The following GTF2F2 variants were observed in gnomAD, a reference collection of about 807,000 sequenced individuals.
GTF2F2 encodes the protein ATP-dependent helicase GTF2F2.
GTF2F2 carries 23 observed loss-of-function variants against 42.2 expected under a neutral mutation model. That is an observed-to-expected ratio of 0.55 (90% CI 0.39 to 0.77). The LOEUF (loss-of-function observed/expected upper bound fraction) is 0.77, where lower values mean the gene tolerates loss of function less well. GTF2F2 is among the 30% of genes least tolerant of loss of function. The probability of loss-of-function intolerance (pLI) is 0.00; values close to 1 mark genes in which losing one functional copy is unlikely to be tolerated. For missense variants in GTF2F2, 261 were observed against 287.2 expected, an observed-to-expected ratio of 0.91 and a Z score of 0.66; for synonymous variants, 105 against 100.8, an observed-to-expected ratio of 1.04 and a Z score of -0.25.
intron 4 of GTF2F2, chr13:45,193,775 G>A (rs200819000): frequency 3.1e-5 from 49 of 1,556,136 alleles, no homozygotes; most frequent in Non-Finnish European, 3.7e-5. Context: ...GCCTTTGTTC[G>A]TGACACAGGT....
At chr13:45,221,287 G>T (rs1227541451) in intron 5 of GTF2F2, among the ~76,000 whole-genome samples, 3 of 152,002 alleles carry the variant, frequency 2.0e-5, no homozygotes, top group African/African-American at 7.3e-5. Flanking sequence ...CCTGTTAGTT[G>T]TACCAACACA....
intron 5 of GTF2F2, among the ~76,000 whole-genome samples, chr13:45,227,192 G>A (rs1260463734): frequency 6.6e-6 from 1 of 151,958 alleles, no homozygotes; most frequent in South Asian, 2.1e-4. Context: ...TCTCTTTAAG[G>A]TATATAATTA....
At chr13:45,242,280 T>A (rs532012695) in intron 5 of GTF2F2, among the ~76,000 whole-genome samples, 15 of 146,370 alleles carry the variant, frequency 1.0e-4, no homozygotes, top group Middle Eastern at 3.5e-3. Flanking sequence ...TTTTTTTTTT[T>A]AACTTGACTT....
chr13:45,276,107 G>C (rs966201265), intron 7 of GTF2F2, among the ~76,000 whole-genome samples: 1 of 152,146 alleles, frequency 6.6e-6, no homozygotes, highest in Admixed American at 6.5e-5. Flanking sequence ...TGTATGTTCA[G>C]TACAAATGCA....
At chr13:45,225,252 A>C (rs1253755528) in intron 5 of GTF2F2, among the ~76,000 whole-genome samples, 1 of 152,234 alleles carries the variant, frequency 6.6e-6, no homozygotes, top group Non-Finnish European at 1.5e-5. Flanking sequence ...ATGGACAAGA[A>C]CAATATAATG....
intron 5 of GTF2F2, among the ~76,000 whole-genome samples, chr13:45,224,401 T>C (rs2138208577): frequency 6.6e-6 from 1 of 152,292 alleles, no homozygotes; most frequent in Non-Finnish European, 1.5e-5. Flanking sequence ...TGAGTGAAGG[T>C]CTGATGGGCT....
chr13:45,160,190 C>T (rs1401433733), intron 4 of GTF2F2, among the ~76,000 whole-genome samples: 1 of 152,184 alleles, frequency 6.6e-6, no homozygotes, highest in Non-Finnish European at 1.5e-5. Context: ...ATTTTGCAGG[C>T]ATCATTAATG....
chr13:45,136,576 G>A lies in GTF2F2; in HGVS notation c.67-157G>A, dbSNP rs569900224. On this transcript the variant is annotated intron_variant, in intron 1 of 7. Transcript: ENST00000340473. ...TTTGAGAGCTAAAATCATTTTTTAC[G>A]TGTCTTAGTATTTTATATAGTGTAA... is the stretch of plus-strand genomic sequence containing the variant. Among the ~76,000 whole-genome samples, 10 of 152,246 alleles carry A rather than the reference G, an allele frequency of 6.6e-5. No individual in the cohort carries two copies. In the South Asian group the frequency reaches 1.2e-3, roughly 19 times the overall value.
chr13:45,224,664 A>G (rs937977831), intron 5 of GTF2F2, among the ~76,000 whole-genome samples: 2 of 152,232 alleles, frequency 1.3e-5, no homozygotes, highest in South Asian at 4.1e-4. Context: ...GATATATAAT[A>G]AAGTATTGCT....
At chr13:45,232,727 A>C (rs946048911) in intron 5 of GTF2F2, among the ~76,000 whole-genome samples, 1 of 152,206 alleles carries the variant, frequency 6.6e-6, no homozygotes, top group African/African-American at 2.4e-5. Context: ...CTTGAACTGC[A>C]TTACCTCATT....
intron 5 of GTF2F2, among the ~76,000 whole-genome samples, chr13:45,250,120 T>A (rs373211205): frequency 6.7e-6 from 1 of 148,334 alleles, no homozygotes; most frequent in Non-Finnish European, 1.5e-5. Flanking sequence ...AGTGACACGA[T>A]GTTGGCTCAC....
chr13:45,217,878 G>C (rs1259094253), intron 5 of GTF2F2, among the ~76,000 whole-genome samples: 1 of 152,166 alleles, frequency 6.6e-6, no homozygotes, highest in Non-Finnish European at 1.5e-5. Context: ...TCTGTCTTTA[G>C]GTGTCTACTT....
chr13:45,171,101 A>C (rs1871577193), intron 4 of GTF2F2, among the ~76,000 whole-genome samples: 1 of 128,248 alleles, frequency 7.8e-6, no homozygotes, highest in Non-Finnish European at 1.6e-5. Flanking sequence ...TTTTTGAGAC[A>C]GAGTCTTGGT....
chr13:45,184,636 A>G (rs1566126859), intron 4 of GTF2F2, among the ~76,000 whole-genome samples: 1 of 151,910 alleles, frequency 6.6e-6, no homozygotes, highest in African/African-American at 2.4e-5. Context: ...ATGCATATTC[A>G]TTTTTAAAAA....
chr13:45,136,364 A>C (rs1869619481), intron 1 of GTF2F2, among the ~76,000 whole-genome samples: 2 of 152,226 alleles, frequency 1.3e-5, no homozygotes, highest in South Asian at 4.1e-4. Flanking sequence ...AATAATCGTA[A>C]GCCCAGTGGT....
At chr13:45,269,967 G>T (rs1320537945) in intron 7 of GTF2F2, among the ~76,000 whole-genome samples, 1 of 151,952 alleles carries the variant, frequency 6.6e-6, no homozygotes, top group African/African-American at 2.4e-5. Flanking sequence ...GAGTAGCTGG[G>T]ATTATAGGCG....
chr13:45,282,706 T>C (rs1169495495), intron 7 of GTF2F2, among the ~76,000 whole-genome samples: 1 of 152,132 alleles, frequency 6.6e-6, no homozygotes, highest in African/African-American at 2.4e-5. Context: ...GGTTTCACCA[T>C]GTTGGCCAGG....
rs116579065 is a variant in GTF2F2 at position 45,184,532 on chromosome 13, T to C, written c.305-22892T>C. On this transcript the variant is annotated intron_variant, in intron 4 of 7. Transcript: ENST00000340473. Reference sequence around the variant, plus strand: ...ACCTCCCCAAGTGCTGGGATTACCATGTGAGCCACTGTAGCTAGCCTTTTT... The same window carrying C: ...ACCTCCCCAAGTGCTGGGATTACCACGTGAGCCACTGTAGCTAGCCTTTTT... 3.9e-3 allele frequency among the ~76,000 whole-genome samples: 598 copies of C among 152,042 alleles called. 10 individuals carry two copies. Among genetic ancestry groups the C allele is most frequent in the African/African-American group, 0.014 (580 of 41,436 alleles).
intron 4 of GTF2F2, among the ~76,000 whole-genome samples, chr13:45,161,533 G>GTT (rs1428128943): frequency 6.6e-6 from 1 of 152,158 alleles, no homozygotes; most frequent in Non-Finnish European, 1.5e-5. Flanking sequence ...CTGTTTCAGT[G>GTT]TTTATTGTTG....
Sources: allele counts gnomAD v4.1 joint callset (sites outside exome capture counted in the v4.1 genomes callset), GRCh38; gene constraint gnomAD v4.1.1; transcripts MANE v1.5; gene names NCBI Gene and HGNC (gene_info 2026-07-23, HGNC 2026-07-21).